Variants in BPHL observed in about 807,000 individuals in gnomAD.
The protein encoded by BPHL is biphenyl hydrolase like, also known as serine hydrolase BPHL.
In BPHL, 27 loss-of-function variants were observed where a neutral mutation model predicts 31.2. That is an observed-to-expected ratio of 0.87 (90% CI 0.64 to 1.19). BPHL has a LOEUF of 1.19. Ranked by LOEUF, BPHL falls within the 50% of genes most tolerant of loss-of-function variation. BPHL has a pLI of 0.00. For missense variants in BPHL, 356 were observed against 375.7 expected (o/e 0.95, Z 0.43); for synonymous variants, 150 against 146.8 (o/e 1.02, Z -0.16).
chr6:3,135,974 G>A (rs1230800635), intron 4 of BPHL, among the ~76,000 whole-genome samples: 5 of 152,138 alleles, frequency 3.3e-5, no homozygotes, highest in African/African-American at 1.2e-4. Context: ...CGAACACTGC[G>A]TCTCCACCCA....
chr6:3,129,245 C>T, intron 4 of BPHL, 47 bp downstream of exon 4: 3 of 1,496,278 alleles, frequency 2.0e-6, no homozygotes, highest in Non-Finnish European at 2.7e-6. Flanking sequence ...TCCTTCCCCT[C>T]TCTCCGCATC....
At chr6:3,128,778 A>C (rs918360409) in intron 3 of BPHL, among the ~76,000 whole-genome samples, 20 of 152,212 alleles carry the variant, frequency 1.3e-4, no homozygotes, top group Admixed American at 7.9e-4. Flanking sequence ...CATTGATTCT[A>C]GTTCCTTGAG....
intron 5 of BPHL, chr6:3,138,008 A>G: frequency 1.6e-6 from 2 of 1,280,186 alleles, no homozygotes; most frequent in Non-Finnish European, 2.0e-6. Context: ...ACCATGAACA[A>G]TGCACAAATG....
At chr6:3,142,009 G>T (rs994981087) in intron 6 of BPHL, among the ~76,000 whole-genome samples, 15 of 152,110 alleles carry the variant, frequency 9.9e-5, no homozygotes, top group African/African-American at 3.6e-4. Flanking sequence ...ATTTAGTAGC[G>T]AATAAAAGGT....
chr6:3,129,316 C>T lies in BPHL; in HGVS notation c.532+118C>T, dbSNP rs1761805083. The T allele has an allele frequency of 2.3e-6, 3 of 1,285,242 alleles. No homozygotes were observed. The African/African-American group carries it at 4.6e-5, about 20-fold the overall frequency. 79.6% of individuals were successfully genotyped at this position (1,285,242 alleles called of 1,614,324 possible). ...TCTCTCGTGCTTCTAGTTCTCAACT[C>T]TCAGGTAGGAAGAATAACGAGTTCT... On this transcript the variant is annotated intron_variant, in intron 4 of 6. Coordinates refer to ENST00000380379, the MANE Select transcript of BPHL (RefSeq NM_004332.4).
intron 6 of BPHL, among the ~76,000 whole-genome samples, chr6:3,141,734 G>C (rs1158570448): frequency 1.3e-5 from 2 of 152,128 alleles, no homozygotes; most frequent in Non-Finnish European, 2.9e-5. Context: ...AGCACTTTGG[G>C]AGGCTGAGGC....
intron 6 of BPHL, 60 bp from the exon 7 acceptor site, chr6:3,152,428 G>C: frequency 1.4e-6 from 2 of 1,392,690 alleles, no homozygotes; most frequent in Non-Finnish European, 2.0e-6. Context: ...TGGGGAGAGT[G>C]AGGGGTTTGT....
At chr6:3,118,699 C>T (rs770681341), upstream of BPHL, 2 of 1,241,312 alleles carry the variant, frequency 1.6e-6, no homozygotes, top group Non-Finnish European at 2.0e-6. Flanking sequence ...CGCGCTTGGT[C>T]TTAGCGCATG....
rs1761747498 is a variant in BPHL, at chr6:3,127,377, G to A, written c.347G>A (p.Arg116Lys). 6.2e-7 allele frequency: 1 copy of A among 1,608,076 alleles called. No individual in the cohort carries two copies. Among genetic ancestry groups the A allele is most frequent in the African/African-American group, 1.3e-5 (1 of 74,874 alleles). Reference sequence around the variant, plus strand: ...GATTTCCCAGCAGACTTTTTTGAAAGGGATGCAAAAGATGCTGTTGATTTG... The same window carrying A: ...GATTTCCCAGCAGACTTTTTTGAAAAGGATGCAAAAGATGCTGTTGATTTG... ...DRDFPADFFERDAKDAVDLMK... is the reference protein window; with the variant it reads ...DRDFPADFFEKDAKDAVDLMK... Residue 116 changes from arginine to lysine, a missense_variant, in exon 3 of 7, where the codon AGG becomes AAG. Coordinates refer to ENST00000380379, the MANE Select transcript of BPHL (RefSeq NM_004332.4).
In BPHL at chr6:3,152,738, A is replaced by G. The variant is rs941729774; in HGVS notation, c.*163A>G. The G allele has an allele frequency of 9.8e-6, 6 of 612,914 alleles. No homozygotes were observed. The African/African-American group carries it at 1.1e-4, about 12-fold the overall frequency. The allele number at this position is 612,914 out of a possible 1,614,324, so 38.0% of individuals were successfully genotyped here. A position where few individuals can be genotyped will look rare whatever the true frequency, so the allele number is the denominator to read the frequency against. ...TAATGACATATTGAAAACAGCCTCT[A>G]GCTTCAGGCTGGGCACGGTGGCTCA... On this transcript the variant is annotated 3_prime_UTR_variant, in exon 7 of 7. Coordinates refer to ENST00000380379, the MANE Select transcript of BPHL (RefSeq NM_004332.4).
intron 6 of BPHL, among the ~76,000 whole-genome samples, chr6:3,142,854 C>T (rs1289692874): frequency 6.6e-6 from 1 of 152,130 alleles, no homozygotes; most frequent in Non-Finnish European, 1.5e-5. Flanking sequence ...CAATTAAAGT[C>T]AGTCTACAAG....
intron 6 of BPHL, among the ~76,000 whole-genome samples, chr6:3,141,154 C>T (rs529408065): frequency 6.6e-6 from 1 of 152,174 alleles, no homozygotes; most frequent in Non-Finnish European, 1.5e-5. Flanking sequence ...TTACTATATC[C>T]ATAATGGATA....
At chr6:3,148,442 G>C (rs1762436169) in intron 6 of BPHL, among the ~76,000 whole-genome samples, 1 of 152,272 alleles carries the variant, frequency 6.6e-6, no homozygotes, top group Non-Finnish European at 1.5e-5. Context: ...ATTCACACCA[G>C]TGATAATGGT....
chr6:3,140,268 G>C lies in BPHL; in HGVS notation c.665-118G>C. 1.5e-6 allele frequency: 2 copies of C among 1,372,832 alleles called. No individual in the cohort carries two copies. The highest frequency in any genetic ancestry group is 2.7e-5 in the South Asian group (2 of 72,928). 85.0% of individuals were successfully genotyped at this position (1,372,832 alleles called of 1,614,324 possible). A position where few individuals can be genotyped will look rare whatever the true frequency, so the allele number is the denominator to read the frequency against. On this transcript the variant is annotated intron_variant, in intron 5 of 6. Coordinates refer to ENST00000380379, the MANE Select transcript of BPHL (RefSeq NM_004332.4). The surrounding 1 kb of genome is among the most constrained non-coding windows in gnomAD (Gnocchi z 5.2). ...CAGGCACGGTCAAATCCAAAACACA[G>C]TTTTTACGGATAGGGAAACTGAGGG...
At chr6:3,148,794 G>C (rs1007996645) in intron 6 of BPHL, among the ~76,000 whole-genome samples, 2 of 152,208 alleles carry the variant, frequency 1.3e-5, no homozygotes, top group African/African-American at 2.4e-5. Context: ...AAACAGTGTG[G>C]TCTGAACCTT....
rs1369887247 is a variant in BPHL at position 3,153,128 on chromosome 6, C to G, written c.*553C>G. 6.6e-6 allele frequency: 1 copy of G among 152,218 alleles called. No homozygotes were observed. Among genetic ancestry groups the G allele is most frequent in the Admixed American group, 6.5e-5 (1 of 15,284 alleles). The allele number at this position is 152,218 out of a possible 1,614,324, so 9.4% of individuals were successfully genotyped here. ...CCGATTTTCTAAGATGAAGTTGTGA[C>G]AAGTTATACCATTGTCTTAACAGGT... On this transcript the variant is annotated 3_prime_UTR_variant, in exon 7 of 7. Coordinates refer to ENST00000380379, the MANE Select transcript of BPHL (RefSeq NM_004332.4).
chr6:3,144,318 C>T (rs528741717), intron 6 of BPHL, among the ~76,000 whole-genome samples: 4 of 152,028 alleles, frequency 2.6e-5, no homozygotes, highest in East Asian at 1.9e-4. Flanking sequence ...GCACCCGCCT[C>T]GGCCTCCCAA....
At chr6:3,136,818 A>G (rs2113762483) in intron 4 of BPHL, among the ~76,000 whole-genome samples, 1 of 152,354 alleles carries the variant, frequency 6.6e-6, no homozygotes, top group Middle Eastern at 3.4e-3. Context: ...TGAATCATCT[A>G]TAATACAGTT....
At chr6:3,124,336 T>C (rs184891074) in intron 2 of BPHL, among the ~76,000 whole-genome samples, 1 of 152,270 alleles carries the variant, frequency 6.6e-6, no homozygotes, top group East Asian at 1.9e-4. Flanking sequence ...GGAGTTCAGA[T>C]GTAGAAAGTT....
Sources: gnomAD v4.1 joint callset for allele counts (sites outside exome capture counted in the v4.1 genomes callset) on GRCh38, gnomAD v4.1.1 for gene constraint, Gnocchi (gnomAD v3.1) non-coding constraint, MANE v1.5 for transcripts, NCBI Gene and HGNC (gene_info 2026-07-23, HGNC 2026-07-21) for gene names.